The following CSMD1 variants were observed in gnomAD, a reference collection of about 807,000 sequenced individuals.
CSMD1 encodes the protein CUB and Sushi multiple domains 1, also known as CUB and sushi domain-containing protein 1.
In CSMD1, 213 loss-of-function variants were observed where a neutral mutation model predicts 417.5. The observed-to-expected ratio is 0.51, with a 90% CI of 0.46 to 0.57. The LOEUF (loss-of-function observed/expected upper bound fraction) is 0.57. CSMD1 is among the 20% of genes least tolerant of loss of function. The probability of loss-of-function intolerance (pLI) is 0.00; values close to 1 mark genes in which losing one functional copy is unlikely to be tolerated. For missense variants in CSMD1, 6,923 were observed against 4,529.7 expected, an observed-to-expected ratio of 1.53 and a Z score of -15.17; for synonymous variants, 2,862 against 1,736.8, an observed-to-expected ratio of 1.65 and a Z score of -16.11.
intron 3 of CSMD1, among the ~76,000 whole-genome samples, chr8:4,295,848 T>A (rs1369827315): frequency 1.3e-5 from 2 of 148,508 alleles, no homozygotes; most frequent in African/African-American, 4.9e-5. Flanking sequence ...ATTTCAGATT[T>A]CTTCAACCAT....
At chr8:3,968,366 G>C (rs1408329626) in intron 5 of CSMD1, among the ~76,000 whole-genome samples, 3 of 152,026 alleles carry the variant, frequency 2.0e-5, no homozygotes, top group Admixed American at 6.6e-5. Context: ...AATCCAACCT[G>C]GGCACCAGCT....
intron 10 of CSMD1, among the ~76,000 whole-genome samples, chr8:3,531,061 A>G (rs1032260529): frequency 2.7e-5 from 4 of 150,678 alleles, no homozygotes; most frequent in African/African-American, 9.8e-5. Flanking sequence ...GGGTTTTGCC[A>G]TGTTGGCCAG....
chr8:4,079,742 G>A (rs1543903), intron 3 of CSMD1, among the ~76,000 whole-genome samples: 110,315 of 152,042 alleles, frequency 0.73, 40,756 homozygotes, highest in South Asian at 0.82. Context: ...TATTTTTGTA[G>A]TGATGAAAAA....
At chr8:4,168,212 C>A (rs1382046156) in intron 3 of CSMD1, among the ~76,000 whole-genome samples, 1 of 151,496 alleles carries the variant, frequency 6.6e-6, no homozygotes, top group African/African-American at 2.4e-5. Context: ...TATACATATA[C>A]ACACACATAT....
At chr8:4,211,157 T>A (rs553056935) in intron 3 of CSMD1, among the ~76,000 whole-genome samples, 2 of 152,260 alleles carry the variant, frequency 1.3e-5, no homozygotes, top group East Asian at 1.9e-4. Context: ...AAATAATTTA[T>A]CCAGGAAAAA....
At chr8:4,015,778 T>C (rs577665384) in intron 4 of CSMD1, among the ~76,000 whole-genome samples, 1 of 152,072 alleles carries the variant, frequency 6.6e-6, no homozygotes, top group East Asian at 1.9e-4. Context: ...ATCTTAAATG[T>C]ATGTGTTCAG....
intron 52 of CSMD1, among the ~76,000 whole-genome samples, chr8:3,003,547 A>G (rs915196299): frequency 5.9e-5 from 9 of 152,178 alleles, no homozygotes; most frequent in Non-Finnish European, 1.2e-4. Context: ...CTCCTATGTC[A>G]CCTTCATGTA....
At chr8:3,513,987 C>A (rs749789365) in intron 10 of CSMD1, among the ~76,000 whole-genome samples, 2 of 152,248 alleles carry the variant, frequency 1.3e-5, no homozygotes, top group Admixed American at 6.5e-5. Flanking sequence ...TAGCAGATTC[C>A]AATCCAGGCC....
intron 5 of CSMD1, among the ~76,000 whole-genome samples, chr8:3,988,884 C>A (rs957180875): frequency 6.6e-6 from 1 of 152,136 alleles, no homozygotes; most frequent in Non-Finnish European, 1.5e-5. Flanking sequence ...TCACACAATT[C>A]ATAACCAAAG....
chr8:4,075,024 G>C (rs762138525), intron 3 of CSMD1, among the ~76,000 whole-genome samples: 8 of 152,106 alleles, frequency 5.3e-5, no homozygotes, highest in Non-Finnish European at 1.0e-4. Flanking sequence ...TTTACTCACT[G>C]TAATAACCCC....
chr8:4,838,364 T>C (rs1218987194), intron 1 of CSMD1, among the ~76,000 whole-genome samples: 3 of 152,180 alleles, frequency 2.0e-5, no homozygotes, highest in Non-Finnish European at 4.4e-5. Flanking sequence ...ATGCAATCAA[T>C]TATTGAAGAT....
intron 1 of CSMD1, among the ~76,000 whole-genome samples, chr8:4,956,192 G>C (rs181215169): frequency 2.6e-4 from 39 of 151,962 alleles, no homozygotes; most frequent in Non-Finnish European, 8.8e-5. Flanking sequence ...GGGGCCACTG[G>C]AGATTTGTTT....
intron 12 of CSMD1, among the ~76,000 whole-genome samples, chr8:3,452,956 T>C (rs1267761598): frequency 1.3e-5 from 2 of 152,204 alleles, no homozygotes; most frequent in Non-Finnish European, 2.9e-5. Context: ...CTGGACTTTT[T>C]TTGGTTGGTA....
At chr8:4,117,846 A>C (rs1802247493) in intron 3 of CSMD1, among the ~76,000 whole-genome samples, 1 of 152,158 alleles carries the variant, frequency 6.6e-6, no homozygotes, top group Non-Finnish European at 1.5e-5. Flanking sequence ...TTCCAAACAA[A>C]AGACAGAGAC....
intron 7 of CSMD1, among the ~76,000 whole-genome samples, chr8:3,668,999 G>C (rs969171513): frequency 1.3e-5 from 2 of 152,088 alleles, no homozygotes; most frequent in Admixed American, 6.5e-5. Flanking sequence ...GCTTTCACTG[G>C]AAATCTTTCA....
intron 1 of CSMD1, among the ~76,000 whole-genome samples, chr8:4,963,020 G>C (rs1809609676): frequency 6.6e-6 from 1 of 152,064 alleles, no homozygotes; most frequent in Admixed American, 6.6e-5. Context: ...CAGGTGCCCT[G>C]TTTATAGCCT....
intron 38 of CSMD1, among the ~76,000 whole-genome samples, 186 bp downstream of exon 38, chr8:3,161,973 C>G (rs1338952568): frequency 6.6e-6 from 1 of 152,174 alleles, no homozygotes; most frequent in African/African-American, 2.4e-5. Flanking sequence ...TGAAAGAGTA[C>G]ATTATCACTT....
intron 18 of CSMD1, among the ~76,000 whole-genome samples, chr8:3,374,258 C>T (rs763565818): frequency 1.3e-5 from 2 of 152,142 alleles, no homozygotes; most frequent in Non-Finnish European, 2.9e-5. Flanking sequence ...CATGTCCGAC[C>T]CATCCACCCG....
chr8:4,742,946 A>G (rs1810719334), intron 1 of CSMD1, among the ~76,000 whole-genome samples: 1 of 152,240 alleles, frequency 6.6e-6, no homozygotes, highest in Non-Finnish European at 1.5e-5. Flanking sequence ...AAATGATACC[A>G]AAAGTGCATT....
Sources: allele counts gnomAD v4.1 joint callset (sites outside exome capture counted in the v4.1 genomes callset), GRCh38; gene constraint gnomAD v4.1.1; transcripts MANE v1.5; gene names NCBI Gene and HGNC (gene_info 2026-07-23, HGNC 2026-07-21).